Variants in PCDHGA3 observed in about 807,000 individuals in gnomAD.
PCDHGA3 encodes protocadherin gamma subfamily A, 3.
Under a neutral mutation model 58.5 loss-of-function variants are expected in PCDHGA3, and 40 were observed. The observed-to-expected ratio is 0.68, with a 90% CI of 0.53 to 0.89. The LOEUF (loss-of-function observed/expected upper bound fraction) is 0.89. PCDHGA3 is among the 40% of genes least tolerant of loss of function. The pLI is 0.00. For synonymous variants in PCDHGA3, 530 were observed against 525.7 expected (o/e 1.01, Z -0.11); for missense variants, 1,223 against 1,195.9 (o/e 1.02, Z -0.33).
At chr5:141,436,327 C>T (rs1384222077) in intron 1 of PCDHGA3, among the ~76,000 whole-genome samples, 1 of 152,098 alleles carries the variant, frequency 6.6e-6, no homozygotes, top group Admixed American at 6.5e-5. Flanking sequence ...ACTGTTAGAC[C>T]ATATCTCAAA....
chr5:141,490,978 C>T lies in PCDHGA3; in HGVS notation c.2425-3829C>T. 6.2e-7 allele frequency: 1 copy of T among 1,614,100 alleles called. No individual in the cohort carries two copies. Among genetic ancestry groups the T allele is most frequent in the Non-Finnish European group, 8.5e-7 (1 of 1,180,034 alleles). ...GGAACACTCAGCCCCCCAGCGTCTC[C>T]CTCGCTCTGCTCCTCCTGGCTCCTT... is the stretch of plus-strand genomic sequence containing the variant. On this transcript the variant is annotated intron_variant, in intron 1 of 3. Coordinates refer to ENST00000253812, the MANE Select transcript of PCDHGA3 (RefSeq NM_018916.4). The surrounding 1 kb of genome is among the most constrained non-coding windows in gnomAD (Gnocchi z 5.4).
At position 141,393,369 on chromosome 5, in the gene PCDHGA3, G is replaced by A. The variant is rs748036677; in HGVS notation, c.2424+46912G>A. 19 of 1,613,962 alleles carry A rather than the reference G, an allele frequency of 1.2e-5. No homozygotes were observed. In the South Asian group the frequency reaches 2.0e-4, roughly 17 times the overall value. Reference sequence around the variant, plus strand: ...CTTCTCCCTGGACGTGCAGACTGGAGACAATGGAGCCATAAACCCAGAGCT... The same window carrying A: ...CTTCTCCCTGGACGTGCAGACTGGAAACAATGGAGCCATAAACCCAGAGCT... On this transcript the variant is annotated intron_variant, in intron 1 of 3. Coordinates refer to ENST00000253812, the MANE Select transcript of PCDHGA3 (RefSeq NM_018916.4).
Position 141,486,054 on chromosome 5 carries a change from G to T in PCDHGA3, c.2425-8753G>T. The T allele has an allele frequency of 1.2e-6, 2 of 1,614,124 alleles. No homozygotes were observed. Among genetic ancestry groups the T allele is most frequent in the South Asian group, 1.1e-5 (1 of 91,072 alleles). On this transcript the variant is annotated intron_variant, in intron 1 of 3. Transcript: ENST00000253812. The surrounding 1 kb of genome is among the most constrained non-coding windows in gnomAD (Gnocchi z 5.0). The stretch of plus-strand genomic sequence containing the variant: ...CCTGATCGTGTAAGAAACCTCTTTA[G>T]CCTGCACCCCACTACTGGAAAGCTT...
At position 141,409,103 on chromosome 5, in the gene PCDHGA3, A is replaced by G. The variant is rs750657192; in HGVS notation, c.2424+62646A>G. The G allele has an allele frequency of 6.8e-6, 11 of 1,613,926 alleles. No individual in the cohort carries two copies. Among genetic ancestry groups the G allele is most frequent in the Non-Finnish European group, 9.3e-6 (11 of 1,179,900 alleles). On this transcript the variant is annotated intron_variant, in intron 1 of 3. Coordinates refer to ENST00000253812, the MANE Select transcript of PCDHGA3 (RefSeq NM_018916.4). ...CTCATTGGATGAGAAAACAGGTATG[A>G]TTAAGAATAACCAGTCATTTGATTT...
At position 141,366,149 on chromosome 5, in the gene PCDHGA3, C is replaced by A; in HGVS notation, c.2424+19692C>A. On this transcript the variant is annotated intron_variant, in intron 1 of 3. Coordinates refer to ENST00000253812, the MANE Select transcript of PCDHGA3 (RefSeq NM_018916.4). ...AGGCCAGAACGCCTGGCTGTCCTAC[C>A]GCCTGCTTAAGGCCAGCGAGCCAGG... is the stretch of plus-strand genomic sequence containing the variant. The A allele has an allele frequency of 4.3e-6, 7 of 1,614,160 alleles. No individual in the cohort carries two copies. Among genetic ancestry groups the A allele is most frequent in the Non-Finnish European group, 5.9e-6 (7 of 1,180,048 alleles).
At chr5:141,407,985 A>C in intron 1 of PCDHGA3, 6 of 789,616 alleles carry the variant, frequency 7.6e-6, no homozygotes, top group Non-Finnish European at 1.1e-5. Flanking sequence ...GGGATCCGTC[A>C]GCCTCTGGCC....
chr5:141,388,458 C>T, intron 1 of PCDHGA3: 1 of 1,613,696 alleles, frequency 6.2e-7, no homozygotes, highest in Non-Finnish European at 8.5e-7. Context: ...CAGTAAATAC[C>T]CTGAGATGGT....
At position 141,476,638 on chromosome 5, in the gene PCDHGA3, G is replaced by A. The variant is rs997136356; in HGVS notation, c.2425-18169G>A. On this transcript the variant is annotated intron_variant, in intron 1 of 3. Transcript: ENST00000253812. This position sits in a 1 kb window ranked among gnomAD's most constrained non-coding sequence, Gnocchi z 7.6. ...GCAACTCTTTACAAACCTATGAGCT[G>A]AGCCGAAATGAATACTTTGCGCTTC... 1.9e-6 allele frequency: 3 copies of A among 1,614,268 alleles called. No homozygotes were observed. Among genetic ancestry groups the A allele is most frequent in the Middle Eastern group, 1.6e-4 (1 of 6,062 alleles).
chr5:141,370,216 C>A, intron 1 of PCDHGA3: 1 of 567,976 alleles, frequency 1.8e-6, no homozygotes, highest in Non-Finnish European at 3.0e-6. Context: ...TGGCTCCTCC[C>A]GCTGCAGCCA....
chr5:141,364,710 A>G (rs778155346), intron 1 of PCDHGA3: 12 of 1,613,886 alleles, frequency 7.4e-6, no homozygotes, highest in Non-Finnish European at 8.5e-7. Context: ...ATCGATATTA[A>G]TGATAACTTC....
chr5:141,410,628 T>G (rs758174899), intron 1 of PCDHGA3: 1 of 1,602,040 alleles, frequency 6.2e-7, no homozygotes, highest in South Asian at 1.1e-5. Context: ...TCGGTGAGTT[T>G]CTCTTTTTTG....
rs1354360582 is a variant in PCDHGA3 at position 141,491,147 on chromosome 5, A to T, written c.2425-3660A>T. On this transcript the variant is annotated intron_variant, in intron 1 of 3. Transcript: ENST00000253812. The surrounding 1 kb of genome is among the most constrained non-coding windows in gnomAD (Gnocchi z 6.9). ...GTGCGCACAGCCCGGGCCTTACTGG[A>T]GGATGACTCTGACACCCAGCAGGTG... The T allele has an allele frequency of 1.9e-6, 3 of 1,613,980 alleles. No homozygotes were observed. The highest frequency in any genetic ancestry group is 2.5e-6 in the Non-Finnish European group (3 of 1,179,994).
At chr5:141,412,561 T>G (rs1183372771) in intron 1 of PCDHGA3, 3 of 152,184 alleles carry the variant, frequency 2.0e-5, no homozygotes, top group Admixed American at 6.5e-5. Context: ...TCTCATGAGT[T>G]TATTTAATAT....
chr5:141,438,617 TATATATATATATATATATACACAC>T (rs1311176771), intron 1 of PCDHGA3, among the ~76,000 whole-genome samples: 58 of 37,154 alleles, frequency 1.6e-3, no homozygotes, highest in African/African-American at 7.8e-3. Flanking sequence ...TATATATATA[TATATATATATATATATATACACAC>T]ACACACACAC....
chr5:141,476,756 C>T lies in PCDHGA3; in HGVS notation c.2425-18051C>T. On this transcript the variant is annotated intron_variant, in intron 1 of 3. Transcript: ENST00000253812. The surrounding 1 kb of genome is among the most constrained non-coding windows in gnomAD (Gnocchi z 7.6). ...ACGGGAGCCTAGTCTCCAGTTAGTGCTGACGGCGTTGGACGGAGGGACCCC... is the reference window on the plus strand; with the variant it reads ...ACGGGAGCCTAGTCTCCAGTTAGTGTTGACGGCGTTGGACGGAGGGACCCC... 3 of 1,613,928 alleles carry T rather than the reference C, an allele frequency of 1.9e-6. No homozygotes were observed. Among genetic ancestry groups the T allele is most frequent in the Non-Finnish European group, 2.5e-6 (3 of 1,180,010 alleles).
intron 1 of PCDHGA3, among the ~76,000 whole-genome samples, chr5:141,363,610 T>C (rs561380927): frequency 6.6e-6 from 1 of 152,382 alleles, no homozygotes; most frequent in Admixed American, 6.5e-5. Context: ...CTGTCTGAGA[T>C]AGTGGAGAGA....
Position 141,490,151 on chromosome 5 carries a change from T to A in PCDHGA3, c.2425-4656T>A, listed in dbSNP as rs1449636059. 6.2e-6 allele frequency: 10 copies of A among 1,614,210 alleles called. No homozygotes were observed. The highest frequency in any genetic ancestry group is 8.5e-6 in the Non-Finnish European group (10 of 1,180,018). On this transcript the variant is annotated intron_variant, in intron 1 of 3. Transcript: ENST00000253812. This position sits in a 1 kb window ranked among gnomAD's most constrained non-coding sequence, Gnocchi z 5.4. ...GACCCTAGCAGTGGGGCAATCCATG[T>A]GTTGGGTCCCATAGACTTTGAGGAG... is the stretch of plus-strand genomic sequence containing the variant.
chr5:141,398,783 A>G (rs1300541880), intron 1 of PCDHGA3: 4 of 1,613,944 alleles, frequency 2.5e-6, no homozygotes, highest in Non-Finnish European at 3.4e-6. Flanking sequence ...GACGGTGGAC[A>G]TCCACCCCTA....
chr5:141,462,646 A>G (rs1371582710), intron 1 of PCDHGA3, among the ~76,000 whole-genome samples: 1 of 137,316 alleles, frequency 7.3e-6, no homozygotes, highest in Non-Finnish European at 1.5e-5. Flanking sequence ...TTTCATTTCC[A>G]TCCTCAATTA....
Sources: gnomAD v4.1 joint callset for allele counts (sites outside exome capture counted in the v4.1 genomes callset) on GRCh38, gnomAD v4.1.1 for gene constraint, Gnocchi (gnomAD v3.1) non-coding constraint, MANE v1.5 for transcripts, NCBI Gene and HGNC (gene_info 2026-07-23, HGNC 2026-07-21) for gene names.